Variants in EYS observed in about 807,000 individuals in gnomAD.
EYS encodes the protein protein eyes shut homolog.
In EYS, 250 loss-of-function variants were observed where a neutral mutation model predicts 282.1. The ratio of observed to expected loss-of-function variants is 0.89; its 90% CI spans 0.80 to 0.98. The LOEUF is 0.98. EYS is among the 50% of genes least tolerant of loss of function. The pLI, the probability that EYS is intolerant of heterozygous loss-of-function variation, is 0.00. For synonymous variants in EYS, 1,355 were observed against 1,282.9 expected (o/e 1.06, Z -1.20); for missense variants, 4,016 against 3,709.0 (o/e 1.08, Z -2.15).
intron 2 of EYS, among the ~76,000 whole-genome samples, chr6:65,560,226 T>TA (rs1768988000): frequency 7.7e-6 from 1 of 129,476 alleles, no homozygotes; most frequent in African/African-American, 2.9e-5. Flanking sequence ...AAAATATAAT[T>TA]ATAATATATT....
At chr6:64,078,620 C>T (rs914109568) in intron 32 of EYS, among the ~76,000 whole-genome samples, 1 of 152,038 alleles carries the variant, frequency 6.6e-6, no homozygotes, top group African/African-American at 2.4e-5. Context: ...GGCTCTGAAA[C>T]TCTCTAGAGT....
At chr6:64,155,581 G>T (rs939394383) in intron 31 of EYS, among the ~76,000 whole-genome samples, 5 of 152,096 alleles carry the variant, frequency 3.3e-5, no homozygotes, top group East Asian at 1.9e-4. Context: ...TGTAATTAGA[G>T]ATTTCTTTTA....
At chr6:64,642,370 A>G (rs1327519157) in intron 22 of EYS, among the ~76,000 whole-genome samples, 5 of 152,182 alleles carry the variant, frequency 3.3e-5, no homozygotes, top group African/African-American at 4.8e-5. Context: ...ATGGTAGCTG[A>G]GATTTAATGT....
intron 7 of EYS, among the ~76,000 whole-genome samples, chr6:65,400,247 T>C (rs1766442595): frequency 6.6e-6 from 1 of 152,080 alleles, no homozygotes; most frequent in Non-Finnish European, 1.5e-5. Context: ...GTATCCTTTT[T>C]AAAATATTTG....
intron 22 of EYS, among the ~76,000 whole-genome samples, chr6:64,655,752 G>C (rs193179609): frequency 6.6e-6 from 1 of 151,958 alleles, no homozygotes; most frequent in African/African-American, 2.4e-5. Context: ...AAATAAATTG[G>C]CTTATTGGTA....
At chr6:64,285,506 T>C (rs368238853) in intron 30 of EYS, among the ~76,000 whole-genome samples, 35 of 152,200 alleles carry the variant, frequency 2.3e-4, no homozygotes, top group African/African-American at 8.2e-4. Context: ...CATTCAAGTG[T>C]CTAGGAAGTT....
chr6:65,500,325 G>T (rs896041688), intron 2 of EYS, among the ~76,000 whole-genome samples: 1 of 151,834 alleles, frequency 6.6e-6, no homozygotes, highest in Admixed American at 6.6e-5. Flanking sequence ...AGTGAAAGAA[G>T]GTATCTCAAA....
At chr6:65,508,435 A>G (rs1055458275) in intron 2 of EYS, among the ~76,000 whole-genome samples, 4 of 152,024 alleles carry the variant, frequency 2.6e-5, no homozygotes, top group African/African-American at 7.2e-5. Flanking sequence ...GCACTTTGGG[A>G]GGCCTAGACG....
chr6:65,665,687 T>C (rs1435136738), intron 1 of EYS, among the ~76,000 whole-genome samples: 1 of 152,076 alleles, frequency 6.6e-6, no homozygotes, highest in Non-Finnish European at 1.5e-5. Context: ...TAAATAATAT[T>C]CCATTCTTAC....
At chr6:65,091,954 C>T (rs912358738) in intron 12 of EYS, among the ~76,000 whole-genome samples, 1 of 152,042 alleles carries the variant, frequency 6.6e-6, no homozygotes, top group African/African-American at 2.4e-5. Context: ...CAGCTACCCG[C>T]CACCCATCTA....
At chr6:64,267,374 T>G (rs1297848701) in intron 30 of EYS, among the ~76,000 whole-genome samples, 1 of 152,086 alleles carries the variant, frequency 6.6e-6, no homozygotes, top group Non-Finnish European at 1.5e-5. Flanking sequence ...CTTTCCCTTC[T>G]TACTAACTCT....
At chr6:65,127,911 A>G (rs1353516601) in intron 12 of EYS, among the ~76,000 whole-genome samples, 1 of 152,080 alleles carries the variant, frequency 6.6e-6, no homozygotes, top group Non-Finnish European at 1.5e-5. Context: ...TTGCTTGTAC[A>G]ATACTTTATT....
At chr6:64,517,051 G>GAAAGAGTATTGGAGA (rs1777580629) in intron 26 of EYS, among the ~76,000 whole-genome samples, 1 of 151,780 alleles carries the variant, frequency 6.6e-6, no homozygotes, top group Non-Finnish European at 1.5e-5. Context: ...GTTTATTGGA[G>GAAAGAGTATTGGAGA]AAACGTTAAA....
chr6:64,020,334 T>C (rs1316037270), intron 33 of EYS, among the ~76,000 whole-genome samples: 1 of 152,180 alleles, frequency 6.6e-6, no homozygotes, highest in African/African-American at 2.4e-5. Flanking sequence ...CCTATAAATA[T>C]GTATAAATGT....
intron 13 of EYS, among the ~76,000 whole-genome samples, chr6:64,998,917 T>C (rs1771364491): frequency 6.6e-6 from 1 of 152,218 alleles, no homozygotes; most frequent in African/African-American, 2.4e-5. Context: ...TACTGACAAG[T>C]AACAACTGGA....
chr6:65,089,179 A>T (rs1774476589), intron 12 of EYS, among the ~76,000 whole-genome samples: 1 of 152,156 alleles, frequency 6.6e-6, no homozygotes, highest in Non-Finnish European at 1.5e-5. Context: ...GGCACTGCCT[A>T]GTGGACTTGT....
rs117103159 is a variant in EYS, at chr6:64,440,437, C to T, written c.5645-1085G>A. On this transcript the variant is annotated intron_variant, in intron 26 of 42. Transcript: ENST00000503581. ...TCAAAATAGTGCCAGGAAGCATTTGCACTTTATAGACATAAAAGCATGAGT... is the reference window on the plus strand; with the variant it reads ...TCAAAATAGTGCCAGGAAGCATTTGTACTTTATAGACATAAAAGCATGAGT... Among the ~76,000 whole-genome samples the T allele has an allele frequency of 1.3e-4, 19 of 151,970 alleles. No individual in the cohort carries two copies. In the East Asian group the frequency reaches 1.7e-3, roughly 14 times the overall value.
In EYS at chr6:63,999,215, ATG is replaced by A; in HGVS notation, c.6726-34_6726-33del. ...GTAAAACAGAAGAGGCCATTATGAT[ATG>A]TGTTTTTGGCAAGAAAGGAGTAACT... On this transcript the variant is annotated intron_variant, in intron 33 of 42. Coordinates refer to ENST00000503581, the MANE Select transcript of EYS (RefSeq NM_001142800.2). 2.1e-6 allele frequency: 3 copies of A among 1,454,636 alleles called. No homozygotes were observed. In the East Asian group the frequency reaches 7.4e-5, roughly 36 times the overall value. The allele number at this position is 1,454,636 out of a possible 1,614,324, so 90.1% of individuals were successfully genotyped here.
intron 26 of EYS, among the ~76,000 whole-genome samples, chr6:64,511,796 T>C (rs1279467780): frequency 6.8e-6 from 1 of 148,046 alleles, no homozygotes; most frequent in African/African-American, 2.5e-5. Flanking sequence ...TTTGTGTGAT[T>C]TAGCCATTAG....
Sources: allele counts gnomAD v4.1 joint callset (sites outside exome capture counted in the v4.1 genomes callset), GRCh38; gene constraint gnomAD v4.1.1; transcripts MANE v1.5; gene names NCBI Gene and HGNC (gene_info 2026-07-23, HGNC 2026-07-21).